Variants in TGFBRAP1 observed in about 807,000 individuals in gnomAD.
TGFBRAP1 encodes the protein transforming growth factor-beta receptor-associated protein 1.
TGFBRAP1 carries 20 observed loss-of-function variants against 83.2 expected under a neutral mutation model. That is an observed-to-expected ratio of 0.24 (90% CI 0.17 to 0.35). The LOEUF is 0.35. TGFBRAP1 is among the 10% of genes least tolerant of loss of function. TGFBRAP1 has a pLI of 1.00. For missense variants in TGFBRAP1, 950 were observed against 1,099.4 expected, an observed-to-expected ratio of 0.86 and a Z score of 1.92; for synonymous variants, 415 against 459.8, an observed-to-expected ratio of 0.90 and a Z score of 1.25.
chr2:105,321,427 C>CA (rs914461424), intron 1 of TGFBRAP1, among the ~76,000 whole-genome samples: 1 of 152,114 alleles, frequency 6.6e-6, no homozygotes, highest in African/African-American at 2.4e-5. Flanking sequence ...CTCGGCCTTC[C>CA]AAAGTGCTGG....
intron 1 of TGFBRAP1, among the ~76,000 whole-genome samples, chr2:105,308,592 CAG>C (rs1381790250): frequency 4.6e-5 from 7 of 152,094 alleles, no homozygotes; most frequent in Admixed American, 1.3e-4. Flanking sequence ...AGTCCCCACA[CAG>C]AGTCACCTGG....
At chr2:105,276,372 T>A (rs1489945525) in intron 7 of TGFBRAP1, among the ~76,000 whole-genome samples, 1 of 152,132 alleles carries the variant, frequency 6.6e-6, no homozygotes, top group Admixed American at 6.5e-5. Flanking sequence ...CCTTCTGCAA[T>A]ACCTGCATGG....
At chr2:105,261,333 G>A (rs1676782395), downstream of TGFBRAP1, among the ~76,000 whole-genome samples, 1 of 152,152 alleles carries the variant, frequency 6.6e-6, no homozygotes, top group African/African-American at 2.4e-5. Flanking sequence ...GTTGGGGATT[G>A]GCCACCCCAG....
chr2:105,310,834 T>C (rs1678665565), intron 1 of TGFBRAP1, among the ~76,000 whole-genome samples: 2 of 152,220 alleles, frequency 1.3e-5, no homozygotes, highest in African/African-American at 4.8e-5. Flanking sequence ...AAAATACTTC[T>C]TCCTTCATTG....
intron 6 of TGFBRAP1, among the ~76,000 whole-genome samples, chr2:105,278,517 CTTCA>C (rs1677425676): frequency 6.6e-6 from 1 of 152,076 alleles, no homozygotes; most frequent in South Asian, 2.1e-4. Flanking sequence ...TCAAGTCCAG[CTTCA>C]TTATTTATAA....
intron 1 of TGFBRAP1, among the ~76,000 whole-genome samples, chr2:105,325,462 C>T (rs184707113): frequency 1.3e-5 from 2 of 152,194 alleles, no homozygotes; most frequent in East Asian, 1.9e-4. Flanking sequence ...AGTTTTTGTT[C>T]GTGACTCCAA....
chr2:105,272,832 G>C, intron 10 of TGFBRAP1, 23 bp downstream of exon 10: 1 of 1,603,970 alleles, frequency 6.2e-7, no homozygotes, highest in Non-Finnish European at 8.5e-7. Flanking sequence ...TCCAAAGGGA[G>C]ACAATACTGA....
intron 1 of TGFBRAP1, among the ~76,000 whole-genome samples, chr2:105,329,086 C>G (rs1445737524): frequency 6.6e-6 from 1 of 152,132 alleles, no homozygotes; most frequent in African/African-American, 2.4e-5. Context: ...CCCCTGCCTA[C>G]TCTCCAGATC....
intron 4 of TGFBRAP1, among the ~76,000 whole-genome samples, chr2:105,295,768 G>C (rs529949477): frequency 7.1e-6 from 1 of 141,140 alleles, no homozygotes; most frequent in Non-Finnish European, 1.5e-5. Context: ...CCGAGATCGC[G>C]TCACTGCACT....
At chr2:105,293,165 T>G (rs560686967) in intron 4 of TGFBRAP1, among the ~76,000 whole-genome samples, 1 of 152,248 alleles carries the variant, frequency 6.6e-6, no homozygotes, top group South Asian at 2.1e-4. Context: ...TGTATTGAAA[T>G]GTTTTTAGAT....
chr2:105,293,853 C>A lies in TGFBRAP1; in HGVS notation c.1038+2503G>T, dbSNP rs576000984. Among the ~76,000 whole-genome samples the A allele has an allele frequency of 2.6e-5, 4 of 152,146 alleles. No individual in the cohort carries two copies. In the East Asian group the frequency reaches 5.8e-4, roughly 22 times the overall value. On this transcript the variant is annotated intron_variant, in intron 4 of 11. Coordinates refer to ENST00000393359, the MANE Select transcript of TGFBRAP1 (RefSeq NM_004257.6). ...TTAAAAGGGAAGAACCTACCCAGGA[C>A]CTAGGGGAGGGAGAAGTATGGCGCT... is the stretch of plus-strand genomic sequence containing the variant.
At chr2:105,281,259 G>A (rs987139406) in intron 5 of TGFBRAP1, among the ~76,000 whole-genome samples, 8 of 152,188 alleles carry the variant, frequency 5.3e-5, no homozygotes, top group Non-Finnish European at 7.3e-5. Context: ...GGGGACTCTC[G>A]TAGAATTTCA....
chr2:105,311,418 CA>C (rs199611590), intron 1 of TGFBRAP1, among the ~76,000 whole-genome samples: 1 of 151,492 alleles, frequency 6.6e-6, no homozygotes, highest in East Asian at 1.9e-4. Context: ...CCTGTCTCTA[CA>C]AAAAAAATAT....
intron 1 of TGFBRAP1, among the ~76,000 whole-genome samples, chr2:105,319,751 A>G (rs1007441132): frequency 4.7e-5 from 7 of 149,976 alleles, no homozygotes; most frequent in African/African-American, 1.7e-4. Context: ...AACTATATAA[A>G]TATTAGCATA....
chr2:105,318,333 G>T (rs1467446300), intron 1 of TGFBRAP1, among the ~76,000 whole-genome samples: 1 of 152,192 alleles, frequency 6.6e-6, no homozygotes, highest in Admixed American at 6.5e-5. Flanking sequence ...GACTGGGTAT[G>T]GGTGTGCATG....
chr2:105,276,095 C>G (rs1677332806), intron 7 of TGFBRAP1, among the ~76,000 whole-genome samples: 1 of 152,140 alleles, frequency 6.6e-6, no homozygotes, highest in African/African-American at 2.4e-5. Flanking sequence ...GCTCTGTTTC[C>G]ATCTTCTCCG....
downstream of TGFBRAP1, among the ~76,000 whole-genome samples, chr2:105,264,038 T>C (rs1489748351): frequency 2.0e-5 from 3 of 152,186 alleles, no homozygotes; most frequent in African/African-American, 7.2e-5. Context: ...AACAACAGTG[T>C]AGGGGATGAA....
chr2:105,301,912 G>A (rs1478363767), intron 2 of TGFBRAP1, among the ~76,000 whole-genome samples: 2 of 143,762 alleles, frequency 1.4e-5, no homozygotes, highest in African/African-American at 5.2e-5. Flanking sequence ...AGATCATATC[G>A]AAATTTTTCA....
At chr2:105,251,129 G>A in the TGFBRAP1 span, among the ~76,000 whole-genome samples, 8 of 152,110 alleles carry the variant, frequency 5.3e-5, no homozygotes. Flanking sequence ...TCTGAGATGT[G>A]GGGAGCGCCT....
Sources: gnomAD v4.1 joint callset for allele counts (sites outside exome capture counted in the v4.1 genomes callset) on GRCh38, gnomAD v4.1.1 for gene constraint, MANE v1.5 for transcripts, NCBI Gene and HGNC (gene_info 2026-07-23, HGNC 2026-07-21) for gene names.